The following PHACTR1 variants were observed in gnomAD, a reference collection of about 807,000 sequenced individuals.
The protein encoded by PHACTR1 is RPEL repeat containing 1.
A neutral mutation model predicts 69.2 loss-of-function variants in PHACTR1; 16 were observed. The observed-to-expected ratio is 0.23, with a 90% CI of 0.16 to 0.35. The LOEUF (loss-of-function observed/expected upper bound fraction) is 0.35. PHACTR1 is among the 10% of genes least tolerant of loss of function. The pLI is 1.00. For synonymous variants in PHACTR1, 312 were observed against 284.5 expected (o/e 1.10, Z -0.97); for missense variants, 510 against 734.7 (o/e 0.69, Z 3.54).
chr6:13,212,484 C>T (rs1296592596), intron 8 of PHACTR1, among the ~76,000 whole-genome samples: 1 of 152,096 alleles, frequency 6.6e-6, no homozygotes, highest in African/African-American at 2.4e-5. Flanking sequence ...GCACACACCC[C>T]TTTTGCATAC....
chr6:12,945,020 G>A (rs571187264), intron 4 of PHACTR1, among the ~76,000 whole-genome samples: 7 of 152,080 alleles, frequency 4.6e-5, no homozygotes, highest in Non-Finnish European at 1.0e-4. Flanking sequence ...CTGACCTCAT[G>A]ATCCGCCCGT....
intron 4 of PHACTR1, among the ~76,000 whole-genome samples, chr6:12,782,982 G>A (rs1771025236): frequency 6.6e-6 from 1 of 152,174 alleles, no homozygotes; most frequent in African/African-American, 2.4e-5. Flanking sequence ...ACCATGTTCA[G>A]TTATGAATCT....
chr6:12,992,589 C>T (rs1796941078), intron 4 of PHACTR1, among the ~76,000 whole-genome samples: 2 of 152,194 alleles, frequency 1.3e-5, no homozygotes, highest in Admixed American at 6.5e-5. Context: ...AGGTGTCAAA[C>T]TCACCTAAAT....
chr6:13,130,025 G>GTATAGTAAGAGCA (rs1820164867), intron 5 of PHACTR1, among the ~76,000 whole-genome samples: 1 of 151,918 alleles, frequency 6.6e-6, no homozygotes. Context: ...ACAAATACAT[G>GTATAGTAAGAGCA]GAAATTAAAT....
intron 5 of PHACTR1, among the ~76,000 whole-genome samples, chr6:13,158,682 A>G (rs1469301638): frequency 6.6e-6 from 1 of 152,190 alleles, no homozygotes; most frequent in Non-Finnish European, 1.5e-5. Context: ...CCCCGGACCT[A>G]TGAAATTGGA....
intron 4 of PHACTR1, among the ~76,000 whole-genome samples, chr6:12,945,621 G>C (rs1168190006): frequency 6.6e-6 from 1 of 152,198 alleles, no homozygotes; most frequent in Non-Finnish European, 1.5e-5. Context: ...ACACTGGGTA[G>C]CAAAGCCAAC....
chr6:13,244,771 A>G (rs906188044), intron 10 of PHACTR1, among the ~76,000 whole-genome samples: 15 of 152,318 alleles, frequency 9.8e-5, no homozygotes, highest in African/African-American at 1.9e-4. Flanking sequence ...GCTCAAACAC[A>G]CATGCTGTAC....
At chr6:12,890,581 ACAAACACAT>A (rs956893707) in intron 4 of PHACTR1, among the ~76,000 whole-genome samples, 3 of 152,148 alleles carry the variant, frequency 2.0e-5, no homozygotes, top group African/African-American at 7.2e-5. Context: ...GTTCCTGAAC[ACAAACACAT>A]CAAACACATT....
At chr6:13,155,887 CAAAA>C (rs56094310) in intron 5 of PHACTR1, among the ~76,000 whole-genome samples, 1 of 136,100 alleles carries the variant, frequency 7.3e-6, no homozygotes, top group African/African-American at 2.7e-5. Context: ...GACTCCCTCT[CAAAA>C]AAAAAAAACC....
rs1049887719 is a variant in PHACTR1 at position 13,013,985 on chromosome 6, C to A, written c.251-39380C>A. ...TGCCAGGCGCGAGCGCCGAGAAACCCAAAAAGAAAGCTTTTTATTTGCTGA... is the reference window on the plus strand; with the variant it reads ...TGCCAGGCGCGAGCGCCGAGAAACCAAAAAAGAAAGCTTTTTATTTGCTGA... On this transcript the variant is annotated intron_variant, in intron 4 of 14. Transcript: ENST00000332995. Among the ~76,000 whole-genome samples, 12 of 151,898 alleles carry A rather than the reference C, an allele frequency of 7.9e-5. No homozygotes were observed. In the South Asian group the frequency reaches 1.4e-3, roughly 18 times the overall value.
intron 4 of PHACTR1, among the ~76,000 whole-genome samples, chr6:13,014,450 C>G (rs1278285624): frequency 6.6e-6 from 1 of 152,208 alleles, no homozygotes; most frequent in Non-Finnish European, 1.5e-5. Flanking sequence ...TTGTCGGTAG[C>G]AAAAGCGCTG....
In PHACTR1 at chr6:12,944,787, A is replaced by ATTTTTT. The variant is rs67157877; in HGVS notation, c.251-108570_251-108565dup. On this transcript the variant is annotated intron_variant, in intron 4 of 14. Coordinates refer to ENST00000332995, the MANE Select transcript of PHACTR1 (RefSeq NM_030948.6). ...TTTATTTATTTATTTATTTTTATTT[A>ATTTTTT]TTTTTTTTTTTTTGAGACGGAGTCT... 8.4e-3 allele frequency among the ~76,000 whole-genome samples: 975 copies of ATTTTTT among 116,352 alleles called. 5 individuals are homozygous for ATTTTTT. Among genetic ancestry groups the ATTTTTT allele is most frequent in the East Asian group, 0.026 (122 of 4,728 alleles). 76.3% of individuals were successfully genotyped at this position (116,352 alleles called of 152,430 possible). A position where few individuals can be genotyped will look rare whatever the true frequency, so the allele number is the denominator to read the frequency against.
In PHACTR1 at chr6:13,079,758, T is replaced by C. The variant is rs544579209; in HGVS notation, c.415+26229T>C. ...CAGTGATTTGTTCATTCTTTTTTAA[T>C]TGGATGTTAAATTAAAAGTAGCAGT... On this transcript the variant is annotated intron_variant, in intron 5 of 14. Transcript: ENST00000332995. Among the ~76,000 whole-genome samples the C allele has an allele frequency of 3.3e-5, 5 of 152,230 alleles. No homozygotes were observed. In the South Asian group the frequency reaches 1.0e-3, roughly 32 times the overall value.
chr6:12,738,367 T>C (rs1246383268), intron 3 of PHACTR1, among the ~76,000 whole-genome samples: 1 of 152,216 alleles, frequency 6.6e-6, no homozygotes, highest in Non-Finnish European at 1.5e-5. Context: ...TGCTGTCCCC[T>C]TTCTAGTTTG....
At chr6:13,165,405 G>A (rs567979300) in intron 6 of PHACTR1, among the ~76,000 whole-genome samples, 1 of 152,062 alleles carries the variant, frequency 6.6e-6, no homozygotes, top group Non-Finnish European at 1.5e-5. Flanking sequence ...CTTGGCTCCC[G>A]GGCTATGTAT....
intron 4 of PHACTR1, among the ~76,000 whole-genome samples, chr6:12,894,449 A>G (rs552656300): frequency 1.4e-4 from 21 of 152,264 alleles, no homozygotes; most frequent in African/African-American, 4.1e-4. Context: ...TACTAAAAAC[A>G]CAAAAATTAG....
intron 4 of PHACTR1, among the ~76,000 whole-genome samples, chr6:12,949,269 CAAAAA>C (rs201027793): frequency 5.3e-5 from 3 of 57,036 alleles, no homozygotes; most frequent in African/African-American, 1.2e-4. Context: ...AACGTCATCT[CAAAAA>C]AAAAAAAAAA....
At chr6:12,890,435 T>G (rs1220813639) in intron 4 of PHACTR1, among the ~76,000 whole-genome samples, 1 of 152,042 alleles carries the variant, frequency 6.6e-6, no homozygotes, top group Non-Finnish European at 1.5e-5. Flanking sequence ...AACCCTGAAA[T>G]GGCTTCCACT....
chr6:13,036,221 G>C (rs1175624180), intron 4 of PHACTR1, among the ~76,000 whole-genome samples: 2 of 152,052 alleles, frequency 1.3e-5, no homozygotes, highest in Non-Finnish European at 2.9e-5. Context: ...ACCACTGTCA[G>C]CTGAGTTTCT....
Sources: allele counts gnomAD v4.1 joint callset (sites outside exome capture counted in the v4.1 genomes callset), GRCh38; gene constraint gnomAD v4.1.1; transcripts MANE v1.5; gene names NCBI Gene and HGNC (gene_info 2026-07-23, HGNC 2026-07-21).